The following MED26 variants were observed in gnomAD, a reference collection of about 807,000 sequenced individuals.
MED26 encodes mediator of RNA polymerase II transcription subunit 26.
Under a neutral mutation model 43.7 loss-of-function variants are expected in MED26, and 7 were observed. That is an observed-to-expected ratio of 0.16 (90% CI 0.09 to 0.30). MED26 has a LOEUF of 0.30. Ranked by LOEUF, MED26 falls within the 10% of genes least tolerant of loss-of-function variation. The pLI, the probability that MED26 is intolerant of heterozygous loss-of-function variation, is 1.00. For missense variants in MED26, 784 were observed against 840.6 expected, an observed-to-expected ratio of 0.93 and a Z score of 0.83; for synonymous variants, 375 against 371.1, an observed-to-expected ratio of 1.01 and a Z score of -0.12.
intron 1 of MED26, among the ~76,000 whole-genome samples, chr19:16,605,777 C>T (rs2086169859): frequency 6.6e-6 from 1 of 152,168 alleles, no homozygotes; most frequent in Admixed American, 6.5e-5. Context: ...CAGGCAGACT[C>T]CATGGCACCG....
intron 1 of MED26, among the ~76,000 whole-genome samples, chr19:16,623,209 T>G (rs2086259252): frequency 6.6e-6 from 1 of 152,104 alleles, no homozygotes; most frequent in Admixed American, 6.6e-5. Context: ...GTGTCACAGG[T>G]GATACTTGCT....
intron 1 of MED26, among the ~76,000 whole-genome samples, chr19:16,581,417 G>A (rs753905916): frequency 1.3e-4 from 20 of 152,282 alleles, no homozygotes; most frequent in Middle Eastern, 3.4e-3. Context: ...AGGCACTCCA[G>A]CACCGACTCA....
chr19:16,584,300 C>T lies in MED26; in HGVS notation c.73-5891G>A, dbSNP rs867438499. Among the ~76,000 whole-genome samples the T allele has an allele frequency of 1.3e-3, 180 of 141,536 alleles. 2 individuals are homozygous for T. Among genetic ancestry groups the T allele is most frequent in the African/African-American group, 4.9e-3 (171 of 34,602 alleles). 92.9% of individuals were successfully genotyped at this position (141,536 alleles called of 152,430 possible). ...AAACCGAAACCCAAACACTGCCCCC[C>T]CCCGCCCCGCCAAAAAAAAACAAAA... On this transcript the variant is annotated intron_variant, in intron 1 of 2. Coordinates refer to ENST00000263390, the MANE Select transcript of MED26 (RefSeq NM_004831.5).
At position 16,576,095 on chromosome 19, in the gene MED26, A is replaced by G. The variant is rs1390047735; in HGVS notation, c.1735T>C (p.Cys579Arg). 6.2e-7 allele frequency: 1 copy of G among 1,613,938 alleles called. No individual in the cohort carries two copies. Among genetic ancestry groups the G allele is most frequent in the Non-Finnish European group, 8.5e-7 (1 of 1,180,032 alleles). ...TCGCCGTGCGGATCGAGCGATATGC[A>G]CTGCGTCCAGTCATACCAGTTACCC... ...TQGNWYDWTQ[C>R]ISLDPHGDDG... The change falls in exon 3 of 3, where the codon TGC becomes CGC. Residue 579 changes from cysteine (C) to arginine (R), a missense_variant. Cys to Arg is a radical substitution (Grantham distance 180). This residue lies in a region of MED26 where 719 missense variants were observed against 730.9 expected (regional missense o/e 0.98). Coordinates refer to ENST00000263390, the MANE Select transcript of MED26 (RefSeq NM_004831.5). The surrounding 1 kb of genome is among the most constrained non-coding windows in gnomAD (Gnocchi z 6.8).
chr19:16,607,894 G>A (rs377195107), intron 1 of MED26, among the ~76,000 whole-genome samples: 1 of 152,190 alleles, frequency 6.6e-6, no homozygotes, highest in Non-Finnish European at 1.5e-5. Flanking sequence ...CTGGCTCCTC[G>A]TGAGCCAATG....
intron 1 of MED26, among the ~76,000 whole-genome samples, chr19:16,596,873 C>T (rs11880875): frequency 0.031 from 4,729 of 152,314 alleles, 181 homozygotes; most frequent in Admixed American, 0.085. Context: ...AGCCCTTGCA[C>T]GGCACACTGT....
chr19:16,609,972 T>C (rs910971005), intron 1 of MED26, among the ~76,000 whole-genome samples: 2 of 127,782 alleles, frequency 1.6e-5, no homozygotes, highest in Admixed American at 8.3e-5. Context: ...AAAAAGGCAA[T>C]GTTATTTCAG....
intron 1 of MED26, among the ~76,000 whole-genome samples, chr19:16,622,562 A>T (rs2086256667): frequency 6.6e-6 from 1 of 152,194 alleles, no homozygotes; most frequent in Non-Finnish European, 1.5e-5. Context: ...CCCTGCTCTA[A>T]GAGTGAAAAG....
chr19:16,584,620 C>T (rs2086062584), intron 1 of MED26, among the ~76,000 whole-genome samples: 2 of 152,212 alleles, frequency 1.3e-5, no homozygotes. Flanking sequence ...CAGCACACCA[C>T]GCTCCGTGTG....
rs144264409 is a variant in MED26 at position 16,621,336 on chromosome 19, A to G, written c.72+6536T>C. Among the ~76,000 whole-genome samples, 77 of 152,368 alleles carry G rather than the reference A, an allele frequency of 5.1e-4. 1 individual carries two copies. The highest frequency in any genetic ancestry group is 1.8e-3 in the African/African-American group (74 of 41,580). On this transcript the variant is annotated intron_variant, in intron 1 of 2. Coordinates refer to ENST00000263390, the MANE Select transcript of MED26 (RefSeq NM_004831.5). ...GACACTCCACACAGTAGTGTCTGGC[A>G]CTGTGTAAGTGCTCAGTAAACAGCG...
intron 1 of MED26, among the ~76,000 whole-genome samples, chr19:16,599,395 T>A (rs1309643370): frequency 6.6e-6 from 1 of 152,072 alleles, no homozygotes; most frequent in African/African-American, 2.4e-5. Context: ...ACTCTGGCCA[T>A]CCTAAACAAA....
At chr19:16,591,227 C>T (rs1029094980) in intron 1 of MED26, among the ~76,000 whole-genome samples, 1 of 152,002 alleles carries the variant, frequency 6.6e-6, no homozygotes, top group Non-Finnish European at 1.5e-5. Context: ...GTTTGTCCTC[C>T]CTGGGGAAGG....
At chr19:16,621,385 T>A (rs1362441446) in intron 1 of MED26, among the ~76,000 whole-genome samples, 1 of 152,244 alleles carries the variant, frequency 6.6e-6, no homozygotes, top group African/African-American at 2.4e-5. Context: ...CAGCCTCTGC[T>A]GCCCAACAGA....
Position 16,578,322 on chromosome 19 carries a change from C to G in MED26, c.147+13G>C. 2.5e-6 allele frequency: 4 copies of G among 1,613,174 alleles called. No individual in the cohort carries two copies. Among genetic ancestry groups the G allele is most frequent in the Non-Finnish European group, 2.5e-6 (3 of 1,179,206 alleles). The stretch of plus-strand genomic sequence containing the variant: ...GTTCTGCCCTCCCAAATGCTGGGGT[C>G]TGGGATACTCACCTCAAGTGCCTCT... On this transcript the variant is annotated intron_variant, in intron 2 of 2. Coordinates refer to ENST00000263390, the MANE Select transcript of MED26 (RefSeq NM_004831.5).
At chr19:16,597,363 A>G (rs2086125221) in intron 1 of MED26, 1 of 398,598 alleles carries the variant, frequency 2.5e-6, no homozygotes, top group Non-Finnish European at 4.4e-6. Context: ...AGTATGACAC[A>G]TTCTCCGACA....
intron 1 of MED26, among the ~76,000 whole-genome samples, chr19:16,621,261 T>TA (rs1265976213): frequency 2.0e-5 from 3 of 152,170 alleles, no homozygotes; most frequent in East Asian, 1.9e-4. Flanking sequence ...TCCTAGCCCC[T>TA]AAAATGAAGA....
rs765030458 is a variant in MED26 at position 16,576,176 on chromosome 19, G to A, written c.1654C>T (p.Leu552Phe). 6.2e-7 allele frequency: 1 copy of A among 1,613,414 alleles called. No individual in the cohort carries two copies. The highest frequency in any genetic ancestry group is 8.5e-7 in the Non-Finnish European group (1 of 1,180,014). ...CACTGGCTGGCCTGGATTCTGTCGA[G>A]ATCGTCCTGTGTGACCTCCCGGGTC... ...GLTREVTQDD[L>F]DRIQASQWPG... is the part of the protein sequence containing the mutation. The change falls in exon 3 of 3, where the codon CTC becomes TTC. Residue 552 changes from leucine to phenylalanine, a missense_variant. Physicochemically the swap from Leu to Phe is conservative, Grantham distance 22. Transcript: ENST00000263390. The surrounding 1 kb of genome is among the most constrained non-coding windows in gnomAD (Gnocchi z 6.8).
intron 1 of MED26, among the ~76,000 whole-genome samples, chr19:16,593,210 C>G (rs2086105973): frequency 6.6e-6 from 1 of 152,330 alleles, no homozygotes; most frequent in East Asian, 1.9e-4. Flanking sequence ...TTCATCGGCA[C>G]CCTCTGGCCC....
In MED26 at chr19:16,575,426, T is replaced by TGGCTGGCC. The variant is rs1255397802; in HGVS notation, c.*593_*600dup. ...GCTGCCCATGGAGTGTGGGTCACAC[T>TGGCTGGCC]GGCTGGCCAGCTGGCCCGCCTGCCC... On this transcript the variant is annotated 3_prime_UTR_variant, in exon 3 of 3. Transcript: ENST00000263390. 6.5e-6 allele frequency: 1 copy of TGGCTGGCC among 153,264 alleles called. No individual in the cohort carries two copies. The highest frequency in any genetic ancestry group is 1.5e-5 in the Non-Finnish European group (1 of 68,606). The allele number at this position is 153,264 out of a possible 1,614,324, so 9.5% of individuals were successfully genotyped here.
Sources: allele counts gnomAD v4.1 joint callset (sites outside exome capture counted in the v4.1 genomes callset), GRCh38; gene constraint gnomAD v4.1.1; regional missense constraint gnomAD v4.1.1; non-coding constraint Gnocchi (gnomAD v3.1); transcripts MANE v1.5; gene names NCBI Gene and HGNC (gene_info 2026-07-23, HGNC 2026-07-21).